The following CELF2 variants were observed in gnomAD, a reference collection of about 807,000 sequenced individuals.
The protein encoded by CELF2 is CUG triplet repeat RNA-binding protein 2.
A neutral mutation model predicts 62.6 loss-of-function variants in CELF2; 8 were observed. That is an observed-to-expected ratio of 0.13 (90% CI 0.07 to 0.23). The LOEUF (loss-of-function observed/expected upper bound fraction) is 0.23. Ranked by LOEUF, CELF2 falls within the 10% of genes least tolerant of loss-of-function variation. The pLI is 1.00. For synonymous variants in CELF2, 258 were observed against 250.0 expected (o/e 1.03, Z -0.30); for missense variants, 333 against 671.0 (o/e 0.50, Z 5.56).
chr10:10,547,928 T>A, the CELF2 span, among the ~76,000 whole-genome samples: 1 of 152,194 alleles, frequency 6.6e-6, no homozygotes, highest in Non-Finnish European at 1.5e-5. Context: ...AATGCACAGA[T>A]GAACACCATC....
the CELF2 span, among the ~76,000 whole-genome samples, chr10:10,504,288 T>A: frequency 6.6e-6 from 1 of 152,108 alleles, no homozygotes; most frequent in Non-Finnish European, 1.5e-5. Flanking sequence ...TAGTTTCCCT[T>A]AAAACTGTTC....
chr10:11,308,971 C>A (rs1310771559), intron 9 of CELF2, among the ~76,000 whole-genome samples: 1 of 152,108 alleles, frequency 6.6e-6, no homozygotes, highest in Non-Finnish European at 1.5e-5. Flanking sequence ...CCAATTTTTT[C>A]TTTTTATAAT....
chr10:10,464,156 T>A, the CELF2 span, among the ~76,000 whole-genome samples: 1 of 152,238 alleles, frequency 6.6e-6, no homozygotes, highest in East Asian at 1.9e-4. Flanking sequence ...GCGCTTGAAA[T>A]GTCTAAAAAG....
the CELF2 span, among the ~76,000 whole-genome samples, chr10:10,513,328 C>G: frequency 2.0e-5 from 3 of 152,096 alleles, no homozygotes; most frequent in Non-Finnish European, 4.4e-5. Context: ...TCCTGCTAGA[C>G]CTGATTTACT....
In CELF2 at chr10:10,997,828, C is replaced by T. The variant is rs1021472702; in HGVS notation, c.89+77829C>T. On this transcript the variant is annotated intron_variant, in intron 2 of 13. Transcript: ENST00000636488. The surrounding 1 kb of genome is among the most constrained non-coding windows in gnomAD (Gnocchi z 5.3). ...TGCCCTTCCTTCCTGTCTCGAGACT[C>T]TTCCAAGTTCTGAGTCCATGCTTCA... Among the ~76,000 whole-genome samples, 4 of 152,144 alleles carry T rather than the reference C, an allele frequency of 2.6e-5. No individual in the cohort carries two copies. The highest frequency in any genetic ancestry group is 9.7e-5 in the African/African-American group (4 of 41,438).
intron 1 of CELF2, among the ~76,000 whole-genome samples, chr10:11,009,005 C>G (rs1411623004): frequency 0.015 from 976 of 65,740 alleles, no homozygotes; most frequent in Non-Finnish European, 0.03. Context: ...GGGGAATTTG[C>G]GGGGGGGGGG....
chr10:11,023,510 A>G (rs2058674617), intron 1 of CELF2, among the ~76,000 whole-genome samples: 1 of 152,228 alleles, frequency 6.6e-6, no homozygotes, highest in Non-Finnish European at 1.5e-5. Flanking sequence ...TAATTGTTCC[A>G]TCCAATATCC....
At chr10:10,616,719 T>TGTGTGA in the CELF2 span, among the ~76,000 whole-genome samples, 8 of 55,140 alleles carry the variant, frequency 1.5e-4, no homozygotes, top group South Asian at 7.8e-4. Flanking sequence ...TGTGTGTGTG[T>TGTGTGA]GAGAGAGAGA....
At chr10:11,124,507 C>A (rs958520747) in intron 1 of CELF2, among the ~76,000 whole-genome samples, 164 of 152,148 alleles carry the variant, frequency 1.1e-3, no homozygotes, top group African/African-American at 3.8e-3. Context: ...AGATCTAAAA[C>A]AGACTGATTC....
the CELF2 span, among the ~76,000 whole-genome samples, chr10:10,472,800 T>C: frequency 6.6e-6 from 1 of 152,034 alleles, no homozygotes; most frequent in Non-Finnish European, 1.5e-5. Flanking sequence ...GTTCTGTTCA[T>C]ATAGCTCACA....
intron 2 of CELF2, among the ~76,000 whole-genome samples, chr10:10,943,010 C>G (rs986739091): frequency 6.6e-6 from 1 of 152,138 alleles, no homozygotes; most frequent in Admixed American, 6.5e-5. Context: ...TCCAACAAGC[C>G]GGGATGCCCA....
the CELF2 span, among the ~76,000 whole-genome samples, chr10:10,601,045 G>A: frequency 1.3e-5 from 2 of 152,158 alleles, no homozygotes; most frequent in Non-Finnish European, 2.9e-5. Flanking sequence ...TTCCACAGGC[G>A]AGAGCAACAG....
intron 1 of CELF2, among the ~76,000 whole-genome samples, chr10:11,050,054 A>G (rs1314043742): frequency 6.6e-6 from 1 of 152,198 alleles, no homozygotes; most frequent in African/African-American, 2.4e-5. Context: ...TTTATGATAA[A>G]TAGTTTCATC....
intron 2 of CELF2, among the ~76,000 whole-genome samples, chr10:11,175,617 C>G (rs997503626): frequency 6.6e-6 from 1 of 152,168 alleles, no homozygotes. Context: ...ACCCAGCAGT[C>G]CCCAGGAGGG....
At chr10:10,651,143 G>A in the CELF2 span, among the ~76,000 whole-genome samples, 2 of 132,580 alleles carry the variant, frequency 1.5e-5, no homozygotes, top group Admixed American at 7.4e-5. Flanking sequence ...ACTCCCACCC[G>A]AATTTTGCGC....
At chr10:10,493,019 A>G in the CELF2 span, among the ~76,000 whole-genome samples, 1 of 152,182 alleles carries the variant, frequency 6.6e-6, no homozygotes, top group East Asian at 1.9e-4. Flanking sequence ...GAGTCCATGA[A>G]ATCTGTTTTT....
chr10:10,696,774 C>A, the CELF2 span, among the ~76,000 whole-genome samples: 1 of 152,084 alleles, frequency 6.6e-6, no homozygotes, highest in Non-Finnish European at 1.5e-5. Flanking sequence ...TTCCAGGTGC[C>A]GTCCGTCACC....
the CELF2 span, among the ~76,000 whole-genome samples, chr10:10,641,664 G>T: frequency 6.6e-6 from 1 of 152,050 alleles, no homozygotes; most frequent in Non-Finnish European, 1.5e-5. Flanking sequence ...GGCCAGGCTG[G>T]TCTCACACTC....
chr10:11,335,538 G>A lies in CELF2; in HGVS notation c.*6485G>A, dbSNP rs572497268. 6.6e-6 allele frequency: 1 copy of A among 152,410 alleles called. No individual in the cohort carries two copies. Among genetic ancestry groups the A allele is most frequent in the East Asian group, 1.9e-4 (1 of 5,178 alleles). 9.4% of individuals were successfully genotyped at this position (152,410 alleles called of 1,614,324 possible). A position where few individuals can be genotyped will look rare whatever the true frequency, so the allele number is the denominator to read the frequency against. On this transcript the variant is annotated 3_prime_UTR_variant, in exon 13 of 13. Transcript: ENST00000633077. This position sits in a 1 kb window ranked among gnomAD's most constrained non-coding sequence, Gnocchi z 5.0. ...GAGGAAGGGAGGCTCCCTCCCCGGG[G>A]CTGGCCGCCTCAGTGATGGTGATGC...
Sources: gnomAD v4.1 joint callset for allele counts (sites outside exome capture counted in the v4.1 genomes callset) on GRCh38, gnomAD v4.1.1 for gene constraint, Gnocchi (gnomAD v3.1) non-coding constraint, MANE v1.5 for transcripts, NCBI Gene and HGNC (gene_info 2026-07-23, HGNC 2026-07-21) for gene names.